The following TES variants were observed in gnomAD, a reference collection of about 807,000 sequenced individuals.
TES encodes the protein testin LIM domain protein.
TES carries 41 observed loss-of-function variants against 48.2 expected under a neutral mutation model. That is an observed-to-expected ratio of 0.85 (90% CI 0.66 to 1.10). The LOEUF (loss-of-function observed/expected upper bound fraction) is 1.10. Ranked by LOEUF, TES falls within the 50% of genes least tolerant of loss-of-function variation. The probability of loss-of-function intolerance (pLI) is 0.00; values close to 1 mark genes in which losing one functional copy is unlikely to be tolerated. For missense variants in TES, 463 were observed against 515.1 expected, an observed-to-expected ratio of 0.90 and a Z score of 0.98; for synonymous variants, 162 against 174.9, an observed-to-expected ratio of 0.93 and a Z score of 0.58.
Position 116,257,555 on chromosome 7 carries a change from G to T in TES, c.*73G>T. 8.2e-7 allele frequency: 1 copy of T among 1,219,898 alleles called. No homozygotes were observed. Among genetic ancestry groups the T allele is most frequent in the African/African-American group, 1.6e-5 (1 of 64,160 alleles). The allele number at this position is 1,219,898 out of a possible 1,614,324, so 75.6% of individuals were successfully genotyped here. A position where few individuals can be genotyped will look rare whatever the true frequency, so the allele number is the denominator to read the frequency against. ...GCATTTCTACTGTAAAATGCAATTTGAAAAAAATAAAACGCAAAAAAAGAA... is the reference window on the plus strand; with the variant it reads ...GCATTTCTACTGTAAAATGCAATTTTAAAAAAATAAAACGCAAAAAAAGAA... On this transcript the variant is annotated 3_prime_UTR_variant, in exon 7 of 7. Transcript: ENST00000358204.
At chr7:116,236,606 T>G (rs1799775489) in intron 2 of TES, among the ~76,000 whole-genome samples, 1 of 152,218 alleles carries the variant, frequency 6.6e-6, no homozygotes, top group Non-Finnish European at 1.5e-5. Context: ...ATACTTAACC[T>G]GCATTCTTTT....
intron 1 of TES, among the ~76,000 whole-genome samples, chr7:116,224,795 TTACTC>T (rs1450402036): frequency 6.6e-6 from 1 of 152,172 alleles, no homozygotes; most frequent in African/African-American, 2.4e-5. Context: ...TCAAAATTGA[TTACTC>T]TAGAGAAGTT....
At chr7:116,244,954 C>T (rs1179426085) in intron 2 of TES, among the ~76,000 whole-genome samples, 3 of 152,166 alleles carry the variant, frequency 2.0e-5, no homozygotes, top group Non-Finnish European at 4.4e-5. Flanking sequence ...TTAGCCACCA[C>T]TGGAGCTGAA....
intron 1 of TES, among the ~76,000 whole-genome samples, chr7:116,223,289 A>G (rs1178900552): frequency 6.6e-6 from 1 of 152,214 alleles, no homozygotes; most frequent in Non-Finnish European, 1.5e-5. Flanking sequence ...AACTGTAAAT[A>G]CTACCTAATT....
At chr7:116,238,322 G>A (rs2116604264) in intron 2 of TES, 2 of 152,308 alleles carry the variant, frequency 1.3e-5, no homozygotes, top group Admixed American at 1.3e-4. Flanking sequence ...TATCACCATA[G>A]TTGCAGGAGA....
intron 4 of TES, chr7:116,251,543 CGTG>C: frequency 2.0e-6 from 1 of 490,292 alleles, no homozygotes; most frequent in Non-Finnish European, 3.7e-6. Flanking sequence ...ATTAGCCGGG[CGTG>C]GTGGCAGGCG....
chr7:116,239,816 TATATAGAG>T (rs994364394), intron 2 of TES, among the ~76,000 whole-genome samples: 37 of 152,310 alleles, frequency 2.4e-4, no homozygotes, highest in African/African-American at 8.2e-4. Flanking sequence ...TTTCAAGTAA[TATATAGAG>T]ATAAAGAGTG....
intron 2 of TES, among the ~76,000 whole-genome samples, chr7:116,244,263 A>C (rs1799891807): frequency 6.6e-6 from 1 of 152,194 alleles, no homozygotes; most frequent in Non-Finnish European, 1.5e-5. Flanking sequence ...CTCATCTGAG[A>C]CCAGGCAAGT....
rs1389942741 is a variant in TES, at chr7:116,210,836, C to G, written c.27+102C>G. ...AGGTGGGTGGGGCTCGCGGGCCCCCCGGTGTGAGCCCGGCTCTGGGTCTGC... is the reference window on the plus strand; with the variant it reads ...AGGTGGGTGGGGCTCGCGGGCCCCCGGGTGTGAGCCCGGCTCTGGGTCTGC... On this transcript the variant is annotated intron_variant, in intron 1 of 6. Transcript: ENST00000358204. The G allele has an allele frequency of 9.5e-6, 10 of 1,056,700 alleles. No individual in the cohort carries two copies. The Admixed American group carries it at 1.8e-4, about 19-fold the overall frequency. The allele number at this position is 1,056,700 out of a possible 1,614,324, so 65.5% of individuals were successfully genotyped here.
intron 6 of TES, 115 bp from the exon 7 acceptor site, chr7:116,257,179 C>A (rs1407358879): frequency 2.6e-6 from 3 of 1,155,854 alleles, no homozygotes; most frequent in Non-Finnish European, 3.6e-6. Context: ...TTGTGTATTT[C>A]TGAGGTTGTC....
At chr7:116,244,179 C>A (rs553826061) in intron 2 of TES, among the ~76,000 whole-genome samples, 2 of 152,276 alleles carry the variant, frequency 1.3e-5, no homozygotes, top group East Asian at 3.9e-4. Context: ...TTTCAAAACA[C>A]AATTATGCCC....
chr7:116,250,564 A>G, intron 4 of TES, 68 bp downstream of exon 4: 1 of 1,271,582 alleles, frequency 7.9e-7, no homozygotes, highest in Non-Finnish European at 1.0e-6. Flanking sequence ...CTTACTTTGA[A>G]CTTTTTTGGG....
intron 1 of TES, among the ~76,000 whole-genome samples, chr7:116,225,437 T>TAA (rs1799610862): frequency 1.3e-5 from 2 of 152,122 alleles, no homozygotes; most frequent in Non-Finnish European, 1.5e-5. Flanking sequence ...TTTAATTTGT[T>TAA]AAAGTCCCAG....
intron 1 of TES, among the ~76,000 whole-genome samples, chr7:116,231,599 T>C (rs1799701093): frequency 6.6e-6 from 1 of 152,208 alleles, no homozygotes; most frequent in Non-Finnish European, 1.5e-5. Flanking sequence ...ACAGATTTTC[T>C]GATTGGTGAT....
intron 6 of TES, 25 bp from the exon 7 acceptor site, chr7:116,257,269 C>G (rs763551836): frequency 1.9e-6 from 3 of 1,569,112 alleles, no homozygotes; most frequent in African/African-American, 2.7e-5. Context: ...CTCTCACCCT[C>G]TTCTCTTGTA....
chr7:116,242,779 T>G (rs1799867421), intron 2 of TES, among the ~76,000 whole-genome samples: 1 of 152,212 alleles, frequency 6.6e-6, no homozygotes, highest in African/African-American at 2.4e-5. Flanking sequence ...AATTAATACA[T>G]TGCATTTCTC....
intron 2 of TES, among the ~76,000 whole-genome samples, chr7:116,240,311 T>G (rs1286719907): frequency 6.6e-6 from 1 of 152,194 alleles, no homozygotes; most frequent in African/African-American, 2.4e-5. Context: ...GTTTTACAAA[T>G]AGTGATACAA....
chr7:116,246,805 A>G (rs116972893), intron 2 of TES, among the ~76,000 whole-genome samples: 2,257 of 152,256 alleles, frequency 0.015, 18 homozygotes, highest in Non-Finnish European at 0.024. Context: ...ACGAGTTTGA[A>G]GTCCAAATTA....
At chr7:116,229,033 T>TATATATATATATATA (rs1417517023) in intron 1 of TES, among the ~76,000 whole-genome samples, 8 of 115,478 alleles carry the variant, frequency 6.9e-5, no homozygotes, top group East Asian at 3.0e-4. Context: ...TATATATATA[T>TATATATATATATATA]AATCATTTCC....
Sources: allele counts gnomAD v4.1 joint callset (sites outside exome capture counted in the v4.1 genomes callset), GRCh38; gene constraint gnomAD v4.1.1; transcripts MANE v1.5; gene names NCBI Gene and HGNC (gene_info 2026-07-23, HGNC 2026-07-21).